The following SMIM27 variants were observed in gnomAD, a reference collection of about 807,000 sequenced individuals.
The protein encoded by SMIM27 is transition zone microprotein 1, also known as TOPORS antisense RNA 1 (non-protein coding).
In SMIM27, 3 loss-of-function variants were observed where a neutral mutation model predicts 1.8. That is an observed-to-expected ratio of 1.65 (90% CI 0.75 to 4.28). The LOEUF is 4.28. Ranked by LOEUF, SMIM27 falls within the 30% of genes most tolerant of loss-of-function variation. SMIM27 has a pLI of 0.02. For missense variants in SMIM27, 63 were observed against 37.0 expected (o/e 1.70, Z -1.83); for synonymous variants, 19 against 13.9 (o/e 1.37, Z -0.82).
rs917082207 is a variant in SMIM27, at chr9:32,562,725, A to G, written c.46-3666A>G. On this transcript the variant is annotated intron_variant, in intron 1 of 1. Transcript: ENST00000451672. ...CAACTATCAAGATCAGGAAATTAAC[A>G]CTCATACATTACTATCTCTACCTGA... is the stretch of plus-strand genomic sequence containing the variant. Among the ~76,000 whole-genome samples, 2 of 152,176 alleles carry G rather than the reference A, an allele frequency of 1.3e-5. 1 individual carries two copies. The highest frequency in any genetic ancestry group is 1.3e-4 in the Admixed American group (2 of 15,274).
chr9:32,566,170 C>T (rs1016931901), intron 1 of SMIM27: 1 of 719,072 alleles, frequency 1.4e-6, no homozygotes, highest in Non-Finnish European at 2.5e-6. Context: ...TCACACAGGC[C>T]ACTTCCTCTT....
intron 1 of SMIM27, among the ~76,000 whole-genome samples, chr9:32,563,491 C>CTTTTTTTTTTTTTTTTTTTTTTTTTTTTT (rs111646430): frequency 1.1e-5 from 1 of 92,002 alleles, no homozygotes; most frequent in African/African-American, 4.4e-5. Flanking sequence ...GACTATTGGG[C>CTTTTTTTTTTTTTTTTTTTTTTTTTTTTT]TTTTTTTTTT....
intron 1 of SMIM27, among the ~76,000 whole-genome samples, chr9:32,560,778 A>G (rs1234894362): frequency 1.3e-5 from 2 of 152,230 alleles, no homozygotes; most frequent in African/African-American, 4.8e-5. Context: ...AATTAATCCA[A>G]AGATAGTAAA....
chr9:32,564,993 A>G (rs1432385437), intron 1 of SMIM27, among the ~76,000 whole-genome samples: 1 of 152,106 alleles, frequency 6.6e-6, no homozygotes, highest in African/African-American at 2.4e-5. Flanking sequence ...ACTTTTTGCC[A>G]TTATAAACAA....
chr9:32,556,401 C>T (rs143131532), downstream of SMIM27, among the ~76,000 whole-genome samples: 1 of 152,188 alleles, frequency 6.6e-6, no homozygotes, highest in Admixed American at 6.5e-5. Flanking sequence ...ACCTCATATT[C>T]GATAGGCACG....
chr9:32,566,854 G>A, exon 2 of SMIM27: 1 of 780,396 alleles, frequency 1.3e-6, no homozygotes, highest in Non-Finnish European at 2.1e-6. Flanking sequence ...TAGCTGCCGG[G>A]CGGCCTGGAT....
At chr9:32,565,006 C>A (rs1821740094) in intron 1 of SMIM27, among the ~76,000 whole-genome samples, 1 of 152,088 alleles carries the variant, frequency 6.6e-6, no homozygotes. Context: ...ATAAACAATT[C>A]AGCAGGCCAG....
At chr9:32,551,165 G>A, upstream of SMIM27, 2 of 665,464 alleles carry the variant, frequency 3.0e-6, no homozygotes, top group Non-Finnish European at 2.6e-6. Flanking sequence ...AGACCCCGGA[G>A]GAGGGCAGCG....
At chr9:32,566,261 T>C (rs1821786836) in intron 1 of SMIM27, 1 of 1,104,228 alleles carries the variant, frequency 9.1e-7, no homozygotes, top group East Asian at 2.3e-5. Context: ...ACAACACTAA[T>C]TTTAGGTTCT....
At chr9:32,552,631 T>C in intron 1 of SMIM27, 152 bp downstream of exon 1, 1 of 712,762 alleles carries the variant, frequency 1.4e-6, no homozygotes, top group Non-Finnish European at 2.5e-6. Flanking sequence ...TCCTGGAGGA[T>C]ACGATCTTCC....
chr9:32,563,396 C>G (rs982839369), intron 1 of SMIM27, among the ~76,000 whole-genome samples: 5 of 150,746 alleles, frequency 3.3e-5, no homozygotes, highest in African/African-American at 1.2e-4. Context: ...GGCTGGAGTA[C>G]AGTGGGCAGC....
chr9:32,565,300 A>G (rs2119023807), intron 1 of SMIM27: 1 of 152,320 alleles, frequency 6.6e-6, no homozygotes, highest in East Asian at 1.9e-4. Context: ...TCAAAAAAAA[A>G]AAAGAAAAAA....
chr9:32,566,465 C>T (rs1821792771), exon 2 of SMIM27: 1 of 807,716 alleles, frequency 1.2e-6, no homozygotes, highest in African/African-American at 1.7e-5. Context: ...AAGCAGCCGT[C>T]CATGTCGAAG....
chr9:32,559,032 A>C lies in SMIM27; in HGVS notation c.45+6553A>C. On this transcript the variant is annotated intron_variant, in intron 1 of 1. Coordinates refer to the SMIM27 transcript ENST00000451672. ...AAATAAGAAATAGGTCATACCCCAA[A>C]TTTTAACTTAAGCTCCAAACTTTCA... 3 of 995,340 alleles carry C rather than the reference A, an allele frequency of 3.0e-6. No individual in the cohort carries two copies. The South Asian group carries it at 4.6e-5, about 15-fold the overall frequency. The allele number at this position is 995,340 out of a possible 1,614,324, so 61.7% of individuals were successfully genotyped here.
chr9:32,565,658 T>G (rs2119024706), intron 1 of SMIM27: 1 of 152,932 alleles, frequency 6.5e-6, no homozygotes, highest in African/African-American at 2.4e-5. Flanking sequence ...CCTCTGGAAG[T>G]TGGGCTGTCA....
chr9:32,558,792 G>A, intron 1 of SMIM27: 1 of 623,812 alleles, frequency 1.6e-6, no homozygotes, highest in Non-Finnish European at 2.6e-6. Context: ...CACAAAACAG[G>A]GACTTAAACC....
At chr9:32,563,293 G>A (rs1307947421) in intron 1 of SMIM27, among the ~76,000 whole-genome samples, 1 of 151,848 alleles carries the variant, frequency 6.6e-6, no homozygotes, top group Non-Finnish European at 1.5e-5. Context: ...AATATTTTGA[G>A]GATAAGTATT....
downstream of SMIM27, among the ~76,000 whole-genome samples, chr9:32,556,584 CAAGA>C (rs1272479867): frequency 6.6e-6 from 1 of 152,078 alleles, no homozygotes; most frequent in Non-Finnish European, 1.5e-5. Flanking sequence ...GGCACAGAAA[CAAGA>C]AAGAACCACA....
intron 1 of SMIM27, among the ~76,000 whole-genome samples, chr9:32,563,046 C>A (rs1321499303): frequency 6.6e-6 from 1 of 152,222 alleles, no homozygotes; most frequent in Non-Finnish European, 1.5e-5. Flanking sequence ...AACAGCCCCT[C>A]AGTTTGGGTT....
Sources: allele counts gnomAD v4.1 joint callset (sites outside exome capture counted in the v4.1 genomes callset), GRCh38; gene constraint gnomAD v4.1.1; transcripts MANE v1.5; gene names NCBI Gene and HGNC (gene_info 2026-07-23, HGNC 2026-07-21).